The following COL22A1 variants were observed in gnomAD, a reference collection of about 807,000 sequenced individuals.
COL22A1 encodes collagen type XXII alpha 1 chain.
A neutral mutation model predicts 248.9 loss-of-function variants in COL22A1; 221 were observed. That is an observed-to-expected ratio of 0.89 (90% CI 0.80 to 0.99). The LOEUF (loss-of-function observed/expected upper bound fraction) is 0.99. Ranked by LOEUF, COL22A1 falls within the 50% of genes least tolerant of loss-of-function variation. COL22A1 has a pLI of 0.00. For missense variants in COL22A1, 2,240 were observed against 2,179.0 expected (o/e 1.03, Z -0.56); for synonymous variants, 891 against 793.4 (o/e 1.12, Z -2.07).
chr8:138,643,647 T>TAGATAGATAGATAGATAGATAGAC (rs568597361), intron 47 of COL22A1, among the ~76,000 whole-genome samples: 5 of 26,594 alleles, frequency 1.9e-4, no homozygotes, highest in Non-Finnish European at 3.3e-4. Context: ...GATAGATAGA[T>TAGATAGATAGATAGATAGATAGAC]AGACAGATAG....
At chr8:138,612,628 T>C (rs1818954638) in intron 56 of COL22A1, among the ~76,000 whole-genome samples, 1 of 152,024 alleles carries the variant, frequency 6.6e-6, no homozygotes, top group African/African-American at 2.4e-5. Flanking sequence ...GGATTCCTTA[T>C]AAAAAGGGGA....
intron 3 of COL22A1, among the ~76,000 whole-genome samples, chr8:138,875,339 C>A (rs935431323): frequency 6.6e-6 from 1 of 152,152 alleles, no homozygotes; most frequent in African/African-American, 2.4e-5. Context: ...CTTGACCTCT[C>A]TGGGGTTGTC....
At chr8:138,875,207 T>G (rs897573434) in intron 3 of COL22A1, among the ~76,000 whole-genome samples, 1 of 152,136 alleles carries the variant, frequency 6.6e-6, no homozygotes, top group Non-Finnish European at 1.5e-5. Flanking sequence ...TACATTTGCT[T>G]TACCAAGACC....
At chr8:138,896,349 G>C (rs1283531417) in intron 1 of COL22A1, among the ~76,000 whole-genome samples, 3 of 152,100 alleles carry the variant, frequency 2.0e-5, no homozygotes, top group African/African-American at 7.2e-5. Flanking sequence ...TTTTAAAAGG[G>C]GAAGGGTAAA....
chr8:138,719,046 A>T (rs1455833811), intron 27 of COL22A1, among the ~76,000 whole-genome samples: 1 of 152,202 alleles, frequency 6.6e-6, no homozygotes, highest in Non-Finnish European at 1.5e-5. Flanking sequence ...CCAATTCACA[A>T]ATTTGAGGAA....
intron 35 of COL22A1, among the ~76,000 whole-genome samples, chr8:138,692,532 G>GT (rs1827179772): frequency 6.6e-6 from 1 of 150,740 alleles, no homozygotes; most frequent in Non-Finnish European, 1.5e-5. Flanking sequence ...GGAAAATCAG[G>GT]TAAGAAGTGG....
chr8:138,675,209 G>A (rs983438813), intron 41 of COL22A1, among the ~76,000 whole-genome samples: 4 of 152,252 alleles, frequency 2.6e-5, no homozygotes, highest in African/African-American at 9.6e-5. Context: ...GCTCCAAAAT[G>A]GGAGGACGAA....
Position 138,902,922 on chromosome 8 carries a change from C to T in COL22A1, c.-73+10697G>A, listed in dbSNP as rs74819728. Among the ~76,000 whole-genome samples, 36 of 151,984 alleles carry T rather than the reference C, an allele frequency of 2.4e-4. No individual in the cohort carries two copies. The East Asian group carries it at 6.8e-3, about 29-fold the overall frequency. ...TCTCAGGGATTATGGAAACATGAAACGTTTTCATGGTCGTCCACCCCTGGT... is the reference window on the plus strand; with the variant it reads ...TCTCAGGGATTATGGAAACATGAAATGTTTTCATGGTCGTCCACCCCTGGT... On this transcript the variant is annotated intron_variant, in intron 1 of 64. Coordinates refer to ENST00000303045, the MANE Select transcript of COL22A1 (RefSeq NM_152888.3).
At chr8:138,690,939 T>G (rs1446316743) in intron 35 of COL22A1, 65 bp from the exon 36 acceptor site, 9 of 1,303,632 alleles carry the variant, frequency 6.9e-6, no homozygotes, top group Non-Finnish European at 9.6e-6. Flanking sequence ...CCCCACTCTC[T>G]CTGCAAATCT....
At chr8:138,639,142 G>C (rs1821450408) in intron 47 of COL22A1, among the ~76,000 whole-genome samples, 1 of 152,124 alleles carries the variant, frequency 6.6e-6, no homozygotes. Flanking sequence ...CTCTTATTGA[G>C]CCAGTAAGTC....
chr8:138,820,933 G>A (rs987740426), intron 7 of COL22A1, among the ~76,000 whole-genome samples: 11 of 152,164 alleles, frequency 7.2e-5, no homozygotes, highest in Middle Eastern at 3.2e-3. Context: ...TTGAATAACC[G>A]AATGAGTTAA....
intron 4 of COL22A1, among the ~76,000 whole-genome samples, chr8:138,842,734 G>C (rs1820975723): frequency 6.6e-6 from 1 of 152,188 alleles, no homozygotes; most frequent in Non-Finnish European, 1.5e-5. Context: ...CTTATTTCAA[G>C]GAAATTAGGT....
rs775689225 is a variant in COL22A1, at chr8:138,878,074, C to A, written c.334G>T (p.Gly112Trp). ...GCGTCTCCCGTGTTGGTGTTGCCCC[C>A]GTGGTAGGCGAGACGCCGGGCAGCC... Reference protein sequence around the residue: ...KAAARRLAYHGGNTNTGDALR... With the variant: ...KAAARRLAYHWGNTNTGDALR... Residue 112 changes from glycine to tryptophan, a missense_variant, in exon 3 of 65, where the codon GGG (glycine) becomes TGG (tryptophan). By Grantham distance (184) the Gly-to-Trp change is radical (BLOSUM62 -2). Coordinates refer to ENST00000303045, the MANE Select transcript of COL22A1 (RefSeq NM_152888.3). 6.3e-7 allele frequency: 1 copy of A among 1,598,006 alleles called. No individual in the cohort carries two copies. Among genetic ancestry groups the A allele is most frequent in the Non-Finnish European group, 8.5e-7 (1 of 1,173,170 alleles).
chr8:138,616,888 AC>A lies in COL22A1; in HGVS notation c.3870+25del, dbSNP rs771279609. 48 of 1,613,364 alleles carry A rather than the reference AC, an allele frequency of 3.0e-5. No homozygotes were observed. In the Middle Eastern group the frequency reaches 6.8e-4, roughly 23 times the overall value. ...GTGTAAGCTCTGCCCACCTGGGGGGACCTCCAAAGTGAGGCGCCCACTTACC... is the reference window on the plus strand; with the variant it reads ...GTGTAAGCTCTGCCCACCTGGGGGGACTCCAAAGTGAGGCGCCCACTTACC... On this transcript the variant is annotated intron_variant, in intron 54 of 64. Transcript: ENST00000303045.
chr8:138,719,989 A>C (rs1829747109), intron 27 of COL22A1, among the ~76,000 whole-genome samples: 1 of 152,160 alleles, frequency 6.6e-6, no homozygotes, highest in East Asian at 1.9e-4. Context: ...GTGCACACAC[A>C]CAAATGCACA....
At chr8:138,589,675 T>G (rs1479188094) in intron 64 of COL22A1, among the ~76,000 whole-genome samples, 1 of 152,130 alleles carries the variant, frequency 6.6e-6, no homozygotes, top group African/African-American at 2.4e-5. Flanking sequence ...CCTAGGATAG[T>G]AATCCAGGTA....
chr8:138,599,744 G>GA (rs1817850129), intron 60 of COL22A1, among the ~76,000 whole-genome samples: 1 of 152,130 alleles, frequency 6.6e-6, no homozygotes, highest in South Asian at 2.1e-4. Flanking sequence ...AAAGGAAAAG[G>GA]AAAAAAGAAA....
intron 41 of COL22A1, among the ~76,000 whole-genome samples, chr8:138,670,983 A>AC (rs1200948588): frequency 2.0e-5 from 3 of 148,264 alleles, no homozygotes; most frequent in African/African-American, 7.6e-5. Flanking sequence ...AAAAAAAAAA[A>AC]AAAGCCACTG....
At chr8:138,659,049 C>T (rs569222696) in intron 44 of COL22A1, among the ~76,000 whole-genome samples, 6 of 152,222 alleles carry the variant, frequency 3.9e-5, no homozygotes, top group South Asian at 4.2e-4. Flanking sequence ...TCTGAACCCC[C>T]GCTTGACTTC....
Sources: gnomAD v4.1 joint callset for allele counts (sites outside exome capture counted in the v4.1 genomes callset) on GRCh38, gnomAD v4.1.1 for gene constraint, MANE v1.5 for transcripts, NCBI Gene and HGNC (gene_info 2026-07-23, HGNC 2026-07-21) for gene names.